FAAH2: variants seen among roughly 807,000 people sequenced by gnomAD.
The protein encoded by FAAH2 is fatty acid amide hydrolase 2, also known as fatty-acid amide hydrolase 2.
Under a neutral mutation model 36.9 loss-of-function variants are expected in FAAH2, and 60 were observed. That is an observed-to-expected ratio of 1.63 (90% CI 1.32 to 2.02). The LOEUF (loss-of-function observed/expected upper bound fraction) is 2.02. FAAH2 is among the 30% of genes most tolerant of loss of function. The pLI is 0.00. For missense variants in FAAH2, 689 were observed against 397.5 expected, an observed-to-expected ratio of 1.73 and a Z score of -6.23; for synonymous variants, 214 against 143.8, an observed-to-expected ratio of 1.49 and a Z score of -3.49.
chrX:57,418,239 G>T (rs774761582), intron 7 of FAAH2, among the ~76,000 whole-genome samples: 2 of 111,564 alleles, frequency 1.8e-5, no homozygotes, highest in Non-Finnish European at 3.8e-5. Context: ...GGAGTGAACA[G>T]TTCTGTTTTC....
chrX:57,357,900 G>A (rs2147127897), intron 5 of FAAH2, among the ~76,000 whole-genome samples: 1 of 111,581 alleles, frequency 9.0e-6, no homozygotes, highest in Non-Finnish European at 1.9e-5. Flanking sequence ...GTTTATTGAA[G>A]CACTGTTCAC....
rs1048064171 is a variant in FAAH2, at chrX:57,329,543, G to C, written c.413-2055G>C. Among the ~76,000 whole-genome samples, 3 of 109,884 alleles carry C rather than the reference G, an allele frequency of 2.7e-5. No individual in the cohort carries two copies. In the East Asian group the frequency reaches 8.7e-4, roughly 32 times the overall value. ...CAATGGTGGTGCAGTGGGGGGAAGA[G>C]GTAGGGTGCACTCATGCCAGGAGTA... is the stretch of plus-strand genomic sequence containing the variant. On this transcript the variant is annotated intron_variant, in intron 3 of 10. Coordinates refer to ENST00000374900, the MANE Select transcript of FAAH2 (RefSeq NM_174912.4).
chrX:57,420,206 T>C (rs764245829), intron 7 of FAAH2, among the ~76,000 whole-genome samples: 3 of 103,452 alleles, frequency 2.9e-5, no homozygotes, highest in African/African-American at 1.1e-4. Flanking sequence ...ATGTGGGCTC[T>C]TTTTTGGTTC....
intron 3 of FAAH2, among the ~76,000 whole-genome samples, chrX:57,322,408 C>G (rs1222930287): frequency 9.0e-6 from 1 of 111,626 alleles, no homozygotes; most frequent in East Asian, 2.8e-4. Flanking sequence ...GTGACCTACC[C>G]TTTCTCTCTA....
chrX:57,336,461 C>G (rs1402567577), intron 4 of FAAH2, among the ~76,000 whole-genome samples: 2 of 110,969 alleles, frequency 1.8e-5, no homozygotes, highest in African/African-American at 6.6e-5. Context: ...AAACTTAGTA[C>G]AGAACAAAAT....
At chrX:57,464,288 G>C (rs2057010819) in intron 10 of FAAH2, among the ~76,000 whole-genome samples, 1 of 110,909 alleles carries the variant, frequency 9.0e-6, no homozygotes, top group African/African-American at 3.3e-5. Context: ...AAGAGCATTA[G>C]GACAAATACC....
At chrX:57,418,691 C>A (rs767419683) in intron 7 of FAAH2, among the ~76,000 whole-genome samples, 242 of 79,104 alleles carry the variant, frequency 3.1e-3, no homozygotes, top group African/African-American at 9.3e-3. Flanking sequence ...CTTGCCTGCA[C>A]CCTTTTATTC....
At chrX:57,139,580 A>C in the FAAH2 span, among the ~76,000 whole-genome samples, 1 of 110,849 alleles carries the variant, frequency 9.0e-6, no homozygotes, top group Admixed American at 9.6e-5. Context: ...CAGCCTCCCG[A>C]GTAGCTGGAA....
At position 57,310,692 on chromosome X, in the gene FAAH2, G is replaced by T; in HGVS notation, c.375G>T (p.Gly125=). The part of the protein sequence containing the change: ...ATLENKWPFL[G]VPLTVKEAFQ... ...TGGAAAATAAATGGCCCTTCCTTGG[G>T]GTTCCTTTGACAGTCAAGGAAGCTT... is the stretch of plus-strand genomic sequence containing the variant. The change falls in exon 3 of 11, where the codon GGG becomes GGT. Residue 125 remains glycine (G), a synonymous_variant. Coordinates refer to ENST00000374900, the MANE Select transcript of FAAH2 (RefSeq NM_174912.4). 1.7e-6 allele frequency: 2 copies of T among 1,208,670 alleles called. No individual in the cohort carries two copies. Among genetic ancestry groups the T allele is most frequent in the Non-Finnish European group, 2.2e-6 (2 of 894,223 alleles).
intron 5 of FAAH2, among the ~76,000 whole-genome samples, chrX:57,369,076 G>A (rs2054488356): frequency 9.3e-6 from 1 of 107,035 alleles, no homozygotes; most frequent in Non-Finnish European, 1.9e-5. Context: ...TTCAACCAAC[G>A]AAATAAATAA....
chrX:57,446,869 T>C (rs939705793), intron 8 of FAAH2, 59 bp from the exon 9 acceptor site: 17 of 850,562 alleles, frequency 2.0e-5, no homozygotes, highest in Non-Finnish European at 2.7e-5. Flanking sequence ...TATAGGTGTT[T>C]TGGTCTTTAC....
chrX:57,203,334 T>A, the FAAH2 span, among the ~76,000 whole-genome samples: 1 of 112,473 alleles, frequency 8.9e-6, no homozygotes, highest in Non-Finnish European at 1.9e-5. Flanking sequence ...TGCTATTGTT[T>A]GTGGTTCAGG....
chrX:57,485,472 G>A (rs2057457992), intron 10 of FAAH2, among the ~76,000 whole-genome samples: 1 of 111,691 alleles, frequency 9.0e-6, no homozygotes, highest in South Asian at 3.7e-4. Flanking sequence ...TTGCTTCTTT[G>A]TACTTCAGCT....
At chrX:57,299,311 G>T (rs371424940) in intron 2 of FAAH2, among the ~76,000 whole-genome samples, 1 of 111,698 alleles carries the variant, frequency 9.0e-6, no homozygotes, top group Non-Finnish European at 1.9e-5. Context: ...ATCGGAAAAC[G>T]AATAAAGTTA....
chrX:57,414,457 G>C (rs1319624020), intron 7 of FAAH2, among the ~76,000 whole-genome samples: 1 of 111,766 alleles, frequency 8.9e-6, no homozygotes, highest in East Asian at 2.8e-4. Context: ...GGCCTTTTCT[G>C]CATCGATTCA....
intron 10 of FAAH2, among the ~76,000 whole-genome samples, chrX:57,470,994 A>C (rs1016896074): frequency 9.0e-5 from 10 of 111,410 alleles, no homozygotes; most frequent in Non-Finnish European, 3.8e-5. Flanking sequence ...AAGACAAAAA[A>C]CACATGATTT....
At chrX:57,334,128 G>A (rs1353650297) in intron 4 of FAAH2, among the ~76,000 whole-genome samples, 3 of 110,134 alleles carry the variant, frequency 2.7e-5, no homozygotes, top group Non-Finnish European at 3.8e-5. Flanking sequence ...AAATTAGCCA[G>A]GCCTGGCAGC....
chrX:57,420,586 G>C (rs1433433338), intron 7 of FAAH2, among the ~76,000 whole-genome samples: 1 of 110,298 alleles, frequency 9.1e-6, no homozygotes, highest in Non-Finnish European at 1.9e-5. Context: ...CTGAGACTTT[G>C]CTGAAGTTGC....
In FAAH2 at chrX:57,388,890, T is replaced by A. The variant is rs1340545131; in HGVS notation, c.996+7861T>A. ...CGTTTTATACTTGCTTCTTTCACAT[T>A]GAAATACGCATTTAAGTTCCCTCCA... On this transcript the variant is annotated intron_variant, in intron 7 of 10. Transcript: ENST00000374900. 2.7e-5 allele frequency among the ~76,000 whole-genome samples: 3 copies of A among 110,556 alleles called. No individual in the cohort carries two copies. The East Asian group carries it at 8.5e-4, about 31-fold the overall frequency.
Sources: allele counts gnomAD v4.1 joint callset (sites outside exome capture counted in the v4.1 genomes callset), GRCh38; gene constraint gnomAD v4.1.1; transcripts MANE v1.5; gene names NCBI Gene and HGNC (gene_info 2026-07-23, HGNC 2026-07-21).